The following OXR1 variants were observed in gnomAD, a reference collection of about 807,000 sequenced individuals.
The protein encoded by OXR1 is oxidation resistance protein 1.
A neutral mutation model predicts 104.6 loss-of-function variants in OXR1; 41 were observed. The observed-to-expected ratio is 0.39, with a 90% confidence interval of 0.31 to 0.51. The LOEUF (loss-of-function observed/expected upper bound fraction) is 0.51, where lower values mean the gene tolerates loss of function less well. OXR1 is among the 20% of genes least tolerant of loss of function. The pLI, the probability that OXR1 is intolerant of heterozygous loss-of-function variation, is 0.77. For synonymous variants in OXR1, 348 were observed against 348.4 expected, an observed-to-expected ratio of 1.00 and a Z score of 0.01; for missense variants, 955 against 1,031.9, an observed-to-expected ratio of 0.93 and a Z score of 1.02.
At chr8:106,672,284 C>T (rs1405715656) in intron 3 of OXR1, among the ~76,000 whole-genome samples, 1 of 150,614 alleles carries the variant, frequency 6.6e-6, no homozygotes, top group Non-Finnish European at 1.5e-5. Context: ...TTGAGACCAG[C>T]CTGACCAATA....
At chr8:106,312,756 C>G (rs374973754) in intron 1 of OXR1, among the ~76,000 whole-genome samples, 6 of 152,184 alleles carry the variant, frequency 3.9e-5, no homozygotes, top group African/African-American at 1.2e-4. Flanking sequence ...AATTAAAACC[C>G]CAACTTGTGT....
intron 2 of OXR1, among the ~76,000 whole-genome samples, chr8:106,379,137 G>A (rs188629863): frequency 7.0e-4 from 107 of 152,228 alleles, no homozygotes; most frequent in African/African-American, 2.4e-3. Flanking sequence ...ACCTGGAAAC[G>A]TGTTAAAGGC....
At chr8:106,620,576 G>A (rs1821620568) in intron 3 of OXR1, among the ~76,000 whole-genome samples, 1 of 152,078 alleles carries the variant, frequency 6.6e-6, no homozygotes, top group African/African-American at 2.4e-5. Context: ...TGTCTTGACT[G>A]AACTCCCTGG....
chr8:106,341,098 T>C (rs768278664), intron 1 of OXR1, among the ~76,000 whole-genome samples: 9 of 152,238 alleles, frequency 5.9e-5, no homozygotes, highest in Non-Finnish European at 1.2e-4. Flanking sequence ...TTATTTATTA[T>C]ATAAAAAAGT....
At position 106,557,270 on chromosome 8, in the gene OXR1, C is replaced by T. The variant is rs186826573; in HGVS notation, c.220+38131C>T. On this transcript the variant is annotated intron_variant, in intron 3 of 16. Coordinates refer to ENST00000517566, the MANE Select transcript of OXR1 (RefSeq NM_001198533.2). Reference sequence around the variant, plus strand: ...TTGGTACTTAAAACCATTTTCATTTCTTGCTATTCTTTTTAAGGTAAGCTG... The same window carrying T: ...TTGGTACTTAAAACCATTTTCATTTTTTGCTATTCTTTTTAAGGTAAGCTG... Among the ~76,000 whole-genome samples, 497 of 152,232 alleles carry T rather than the reference C, an allele frequency of 3.3e-3. 4 individuals are homozygous for T. The highest frequency in any genetic ancestry group is 4.1e-3 in the Non-Finnish European group (279 of 67,998).
At chr8:106,598,574 T>C (rs151183988) in intron 3 of OXR1, among the ~76,000 whole-genome samples, 409 of 152,360 alleles carry the variant, frequency 2.7e-3, no homozygotes, top group Non-Finnish European at 4.1e-3. Flanking sequence ...GGAACCGACA[T>C]GTCCAAAATT....
rs185471122 is a variant in OXR1 at position 106,487,008 on chromosome 8, A to G, written c.24-31935A>G. Among the ~76,000 whole-genome samples the G allele has an allele frequency of 1.4e-3, 204 of 150,492 alleles. 1 individual carries two copies. The highest frequency in any genetic ancestry group is 4.7e-3 in the African/African-American group (194 of 40,852). ...AAATATTGTGAGGCCTTCCTTGAAT[A>G]TTAATCCAGACACTTTTTTTTTTTT... On this transcript the variant is annotated intron_variant, in intron 2 of 16. Coordinates refer to ENST00000517566, the MANE Select transcript of OXR1 (RefSeq NM_001198533.2).
chr8:106,388,047 C>T (rs1287327995), intron 2 of OXR1, among the ~76,000 whole-genome samples: 1 of 152,072 alleles, frequency 6.6e-6, no homozygotes, highest in African/African-American at 2.4e-5. Flanking sequence ...GGAAATATTA[C>T]TTTTATTGTA....
At chr8:106,681,049 T>G (rs955685500) in intron 4 of OXR1, among the ~76,000 whole-genome samples, 1 of 152,226 alleles carries the variant, frequency 6.6e-6, no homozygotes, top group Non-Finnish European at 1.5e-5. Context: ...TTTATTACTT[T>G]AAACCTTATC....
intron 2 of OXR1, among the ~76,000 whole-genome samples, chr8:106,423,054 A>C (rs886302700): frequency 6.6e-6 from 1 of 152,120 alleles, no homozygotes; most frequent in Non-Finnish European, 1.5e-5. Context: ...AGCCCACTGG[A>C]CCACAGCCTT....
rs1386327176 is a variant in OXR1 at position 106,703,090 on chromosome 8, T to G, written c.860T>G (p.Ile287Arg). Residue 287 changes from isoleucine to arginine, a missense_variant and splice_region_variant, in exon 8 of 17, where the codon ATA becomes AGA. Physicochemically the swap from Ile to Arg is moderately conservative, Grantham distance 97. This residue lies in a region of OXR1 where 849 missense variants were observed against 852.9 expected (regional missense o/e 1.00). Coordinates refer to ENST00000517566, the MANE Select transcript of OXR1 (RefSeq NM_001198533.2). Reference sequence around the variant, plus strand: ...AGCAAAATAAAGGAATCTTTACCCATGTAAGAGTGATATTTATATTCCTTT... The same window carrying G: ...AGCAAAATAAAGGAATCTTTACCCAGGTAAGAGTGATATTTATATTCCTTT... The part of the protein sequence containing the change: ...LDSKIKESLP[I>R]DIDQLSGRDF... 1.3e-6 allele frequency: 2 copies of G among 1,598,274 alleles called. No homozygotes were observed. Among genetic ancestry groups the G allele is most frequent in the Non-Finnish European group, 1.7e-6 (2 of 1,166,638 alleles).
At chr8:106,750,051 C>A (rs559228921) in intron 16 of OXR1, among the ~76,000 whole-genome samples, 220 of 151,922 alleles carry the variant, frequency 1.4e-3, no homozygotes, top group Admixed American at 3.8e-3. Context: ...AGGTCCTTAA[C>A]ATGAATCCCC....
intron 2 of OXR1, among the ~76,000 whole-genome samples, chr8:106,438,024 T>C (rs1192635021): frequency 6.6e-6 from 1 of 152,156 alleles, no homozygotes; most frequent in Admixed American, 6.6e-5. Flanking sequence ...GGCAGCATAT[T>C]TGATGTGTGA....
chr8:106,663,979 T>G (rs1826024329), intron 3 of OXR1, among the ~76,000 whole-genome samples: 1 of 152,184 alleles, frequency 6.6e-6, no homozygotes, highest in African/African-American at 2.4e-5. Flanking sequence ...ACTCACAGTG[T>G]TGGTAGAAGA....
chr8:106,620,287 T>C, intron 3 of OXR1, among the ~76,000 whole-genome samples: 1 of 152,204 alleles, frequency 6.6e-6, no homozygotes, highest in East Asian at 1.9e-4. Flanking sequence ...CACCTTGTGA[T>C]CAAGCTGTAT....
At chr8:106,503,512 A>G (rs555615001) in intron 2 of OXR1, among the ~76,000 whole-genome samples, 71 of 152,250 alleles carry the variant, frequency 4.7e-4, no homozygotes, top group South Asian at 2.3e-3. Flanking sequence ...TCCTATCCCA[A>G]CCCTTAAGGG....
intron 12 of OXR1, among the ~76,000 whole-genome samples, chr8:106,738,858 G>A (rs926050840): frequency 6.6e-6 from 1 of 151,398 alleles, no homozygotes; most frequent in African/African-American, 2.4e-5. Context: ...GGTCCAAGTA[G>A]ATGAAAAAAA....
rs1414012967 is a variant in OXR1 at position 106,751,876 on chromosome 8, A to AT, written c.*935_*936insT. On this transcript the variant is annotated 3_prime_UTR_variant, in exon 17 of 17. Transcript: ENST00000517566. Reference sequence around the variant, plus strand: ...TACTCTTGTTCAAAAGGAAAAAAAAAATTGTGATTTTCTTTGAGTGGTATA... The same window carrying AT: ...TACTCTTGTTCAAAAGGAAAAAAAAATATTGTGATTTTCTTTGAGTGGTATA... 3 of 152,464 alleles carry AT rather than the reference A, an allele frequency of 2.0e-5. No homozygotes were observed. The highest frequency in any genetic ancestry group is 4.4e-5 in the Non-Finnish European group (3 of 67,930). 9.4% of individuals were successfully genotyped at this position (152,464 alleles called of 1,614,324 possible).
chr8:106,672,124 T>C (rs1401234628), intron 3 of OXR1, among the ~76,000 whole-genome samples: 1 of 151,646 alleles, frequency 6.6e-6, no homozygotes, highest in Non-Finnish European at 1.5e-5. Flanking sequence ...TAATAAATAC[T>C]GAATCCAAGG....
Sources: gnomAD v4.1 joint callset for allele counts (sites outside exome capture counted in the v4.1 genomes callset) on GRCh38, gnomAD v4.1.1 for gene constraint, gnomAD v4.1.1 regional missense constraint, MANE v1.5 for transcripts, NCBI Gene and HGNC (gene_info 2026-07-23, HGNC 2026-07-21) for gene names.